The following ZFHX3 variants were observed in gnomAD, a reference collection of about 807,000 sequenced individuals.
ZFHX3 encodes zinc finger homeobox 3.
In ZFHX3, 42 loss-of-function variants were observed where a neutral mutation model predicts 279.1. The ratio of observed to expected loss-of-function variants is 0.15; its 90% CI spans 0.12 to 0.19. The LOEUF (loss-of-function observed/expected upper bound fraction) is 0.19. Among genes scored for constraint, ZFHX3 ranks in the 10% least tolerant of loss-of-function variants. The probability of loss-of-function intolerance (pLI) is 1.00; values close to 1 mark genes in which losing one functional copy is unlikely to be tolerated. For synonymous variants in ZFHX3, 2,293 were observed against 1,957.8 expected (o/e 1.17, Z -4.52); for missense variants, 4,981 against 4,754.0 (o/e 1.05, Z -1.40).
intron 3 of ZFHX3, among the ~76,000 whole-genome samples, chr16:73,361,627 T>C (rs1441216123): frequency 6.6e-6 from 1 of 152,212 alleles, no homozygotes; most frequent in African/African-American, 2.4e-5. Flanking sequence ...AGATAAAGGC[T>C]GAAGTTCCAT....
intron 2 of ZFHX3, among the ~76,000 whole-genome samples, chr16:73,671,518 A>G (rs2052903948): frequency 6.6e-6 from 1 of 152,240 alleles, no homozygotes; most frequent in African/African-American, 2.4e-5. Context: ...AATTTAATGC[A>G]TATTTTCTTT....
At chr16:73,140,513 A>G (rs1242717820) in intron 6 of ZFHX3, among the ~76,000 whole-genome samples, 1 of 152,104 alleles carries the variant, frequency 6.6e-6, no homozygotes, top group Non-Finnish European at 1.5e-5. Context: ...AACAGTGGCA[A>G]ACAAAGGCAA....
At chr16:73,145,571 A>G (rs1444861055) in intron 5 of ZFHX3, among the ~76,000 whole-genome samples, 1 of 152,226 alleles carries the variant, frequency 6.6e-6, no homozygotes, top group Non-Finnish European at 1.5e-5. Context: ...GTTGGTCCCT[A>G]ACTGAAAGGC....
At chr16:72,903,227 G>A (rs1331345162) in intron 3 of ZFHX3, among the ~76,000 whole-genome samples, 1 of 152,230 alleles carries the variant, frequency 6.6e-6, no homozygotes, top group African/African-American at 2.4e-5. Context: ...GAATCCAGCA[G>A]TTCCTTTCAT....
chr16:73,699,063 T>G lies in ZFHX3; in HGVS notation c.-1607-18823A>C, dbSNP rs925411695. On this transcript the variant is annotated intron_variant, in intron 1 of 17. Coordinates refer to the ZFHX3 transcript ENST00000641206. ...CCACGCCTGACTAATTGCTGAATTT[T>G]TAGTAGAGACAAGGTTTCACCACGT... 2.6e-5 allele frequency among the ~76,000 whole-genome samples: 4 copies of G among 152,262 alleles called. No homozygotes were observed. In the East Asian group the frequency reaches 5.8e-4, roughly 22 times the overall value.
intron 5 of ZFHX3, among the ~76,000 whole-genome samples, chr16:73,251,947 CA>C (rs2013519243): frequency 6.8e-6 from 1 of 147,756 alleles, no homozygotes; most frequent in African/African-American, 2.5e-5. Context: ...ATACACACCA[CA>C]CACACGCACA....
intron 7 of ZFHX3, among the ~76,000 whole-genome samples, chr16:73,110,581 T>G (rs1001988820): frequency 2.0e-5 from 3 of 152,200 alleles, no homozygotes; most frequent in African/African-American, 7.2e-5. Context: ...GTCCCAGCTT[T>G]TTTTGGAGAC....
At chr16:72,944,241 C>G (rs377026487) in intron 3 of ZFHX3, among the ~76,000 whole-genome samples, 1 of 152,132 alleles carries the variant, frequency 6.6e-6, no homozygotes, top group Non-Finnish European at 1.5e-5. Flanking sequence ...GCCGAGATCA[C>G]GCCACTGCAC....
At chr16:73,116,654 T>C (rs1966436533) in intron 7 of ZFHX3, among the ~76,000 whole-genome samples, 1 of 152,178 alleles carries the variant, frequency 6.6e-6, no homozygotes, top group South Asian at 2.1e-4. Context: ...AATGAAGCAC[T>C]TTGGGAGGCA....
chr16:72,982,412 T>A (rs1962647081), intron 1 of ZFHX3, among the ~76,000 whole-genome samples: 1 of 152,140 alleles, frequency 6.6e-6, no homozygotes, highest in Non-Finnish European at 1.5e-5. Flanking sequence ...AAGGCATCAT[T>A]TCCTTAAAGA....
intron 4 of ZFHX3, among the ~76,000 whole-genome samples, chr16:73,300,648 C>T (rs1405576022): frequency 2.0e-5 from 3 of 152,186 alleles, no homozygotes; most frequent in South Asian, 2.1e-4. Context: ...GGATTACAGG[C>T]GCCTGCCACC....
At chr16:73,616,082 G>A (rs1371390981) in intron 2 of ZFHX3, among the ~76,000 whole-genome samples, 1 of 151,930 alleles carries the variant, frequency 6.6e-6, no homozygotes, top group Non-Finnish European at 1.5e-5. Flanking sequence ...TTTTTGATAA[G>A]ACAGTCCCAC....
chr16:73,730,551 G>A (rs1382345907), intron 1 of ZFHX3, among the ~76,000 whole-genome samples: 3 of 152,024 alleles, frequency 2.0e-5, no homozygotes, highest in Admixed American at 6.6e-5. Context: ...GCAAGTACCC[G>A]GAGACATCTA....
At chr16:73,459,934 G>A (rs2018444412) in intron 2 of ZFHX3, among the ~76,000 whole-genome samples, 1 of 152,164 alleles carries the variant, frequency 6.6e-6, no homozygotes, top group Non-Finnish European at 1.5e-5. Context: ...TGGTGATTAT[G>A]GGGATTACAA....
At chr16:73,509,745 G>A (rs1287250302) in intron 2 of ZFHX3, among the ~76,000 whole-genome samples, 1 of 147,370 alleles carries the variant, frequency 6.8e-6, no homozygotes, top group African/African-American at 2.6e-5. Flanking sequence ...GCCCAGGCTG[G>A]AGTGCAGTGG....
At chr16:73,155,617 G>T (rs1352128228) in intron 5 of ZFHX3, among the ~76,000 whole-genome samples, 1 of 152,112 alleles carries the variant, frequency 6.6e-6, no homozygotes, top group Admixed American at 6.6e-5. Flanking sequence ...GAGGTCAGGA[G>T]TTCCAGACCA....
chr16:73,757,314 C>A (rs758360006), intron 1 of ZFHX3, among the ~76,000 whole-genome samples: 1 of 152,158 alleles, frequency 6.6e-6, no homozygotes, highest in South Asian at 2.1e-4. Context: ...TGGATAGCAA[C>A]CCTAACTCTG....
chr16:72,787,719 A>ACTG lies in ZFHX3; in HGVS notation c.10556_10557insCAG (p.Gly3519_Gly3520insSer), dbSNP rs2035477601. On this transcript the variant is annotated inframe_insertion, in exon 10 of 10. Transcript: ENST00000268489. ...AGCCGCCGCCGCCGCCGCCGCCGCC[A>ACTG]CCGCCGCCGCCGCCGCCACTGCCAC... 47 of 1,297,400 alleles carry ACTG rather than the reference A, an allele frequency of 3.6e-5. 3 individuals carry two copies. In the South Asian group the frequency reaches 1.1e-3, roughly 31 times the overall value. 80.4% of individuals were successfully genotyped at this position (1,297,400 alleles called of 1,614,324 possible). A position where few individuals can be genotyped will look rare whatever the true frequency, so the allele number is the denominator to read the frequency against.
At chr16:73,663,613 C>A (rs2142177631) in intron 2 of ZFHX3, among the ~76,000 whole-genome samples, 1 of 152,298 alleles carries the variant, frequency 6.6e-6, no homozygotes, top group South Asian at 2.1e-4. Context: ...GTTTGAAAGC[C>A]CTTGGCTCAT....
Sources: gnomAD v4.1 joint callset for allele counts (sites outside exome capture counted in the v4.1 genomes callset) on GRCh38, gnomAD v4.1.1 for gene constraint, MANE v1.5 for transcripts, NCBI Gene and HGNC (gene_info 2026-07-23, HGNC 2026-07-21) for gene names.